The following ADH6 variants were observed in gnomAD, a reference collection of about 807,000 sequenced individuals.
ADH6 encodes alcohol dehydrogenase 6.
Under a neutral mutation model 36.5 loss-of-function variants are expected in ADH6, and 34 were observed. The ratio of observed to expected loss-of-function variants is 0.93; its 90% CI spans 0.71 to 1.24. The LOEUF (loss-of-function observed/expected upper bound fraction) is 1.24, where lower values mean the gene tolerates loss of function less well. ADH6 is among the 50% of genes most tolerant of loss of function. The pLI, the probability that ADH6 is intolerant of heterozygous loss-of-function variation, is 0.00. For synonymous variants in ADH6, 161 were observed against 155.5 expected (o/e 1.04, Z -0.26); for missense variants, 440 against 447.0 (o/e 0.98, Z 0.14).
intron 3 of ADH6, among the ~76,000 whole-genome samples, chr4:99,210,756 G>A (rs1221527418): frequency 1.3e-5 from 2 of 152,116 alleles, no homozygotes; most frequent in Non-Finnish European, 2.9e-5. Context: ...TCTTTTGTAA[G>A]CTCCTTTTCA....
chr4:99,219,022 G>A (rs1446194664), intron 1 of ADH6, 113 bp downstream of exon 1: 12 of 1,000,138 alleles, frequency 1.2e-5, no homozygotes, highest in Admixed American at 2.0e-5. Flanking sequence ...GATTATGACA[G>A]CCTCTCACCT....
Position 99,208,935 on chromosome 4 carries a change from A to G in ADH6, c.568-7T>C. On this transcript the variant is annotated splice_polypyrimidine_tract_variant and splice_region_variant and intron_variant, in intron 5 of 8. Transcript: ENST00000394899. ...AGGTAGAACCTGGAGTCACCTAAAC[A>G]CATACAGGCAGAAAACTCAGAAAAC... 1.2e-6 allele frequency: 2 copies of G among 1,601,646 alleles called. No individual in the cohort carries two copies. The highest frequency in any genetic ancestry group is 2.2e-5 in the South Asian group (2 of 89,232).
chr4:99,208,067 T>C (rs1421909583), intron 6 of ADH6, among the ~76,000 whole-genome samples: 3 of 152,100 alleles, frequency 2.0e-5, no homozygotes, highest in Non-Finnish European at 4.4e-5. Context: ...TAAAGGAATT[T>C]ATGTATGGTG....
chr4:99,203,081 T>G lies in ADH6; in HGVS notation c.*1138A>C. The G allele has an allele frequency of 3.1e-6, 1 of 325,694 alleles. No homozygotes were observed. 20.2% of individuals were successfully genotyped at this position (325,694 alleles called of 1,614,324 possible). On this transcript the variant is annotated 3_prime_UTR_variant, in exon 9 of 9. Coordinates refer to ENST00000394899, the MANE Select transcript of ADH6 (RefSeq NM_001102470.2). Reference sequence around the variant, plus strand: ...CCAGTGTTAAATCAGGAAACTATTTTGTTTAGATCAAAAAATGATATTCCA... The same window carrying G: ...CCAGTGTTAAATCAGGAAACTATTTGGTTTAGATCAAAAAATGATATTCCA...
At chr4:99,216,060 T>A in intron 2 of ADH6, 101 bp downstream of exon 2, 3 of 547,766 alleles carry the variant, frequency 5.5e-6, no homozygotes, top group Non-Finnish European at 9.2e-6. Flanking sequence ...TTTATTATTT[T>A]TTTTTCTGAG....
intron 3 of ADH6, 51 bp from the exon 4 acceptor site, chr4:99,210,553 A>T (rs890788989): frequency 1.4e-6 from 2 of 1,414,494 alleles, no homozygotes; most frequent in African/African-American, 2.9e-5. Context: ...TAAAGTAAAG[A>T]CATAGCTGTC....
rs748904327 is a variant in ADH6 at position 99,210,309 on chromosome 4, C to A, written c.351-11G>T. The A allele has an allele frequency of 3.1e-6, 5 of 1,608,512 alleles. No individual in the cohort carries two copies. Among genetic ancestry groups the A allele is most frequent in the Non-Finnish European group, 4.3e-6 (5 of 1,176,328 alleles). On this transcript the variant is annotated splice_polypyrimidine_tract_variant and intron_variant, in intron 4 of 8. Coordinates refer to ENST00000394899, the MANE Select transcript of ADH6 (RefSeq NM_001102470.2). ...TGGGTTTTTGACTGTCTTTTATAGA[C>A]AAAACAAAAAACAAAACACAAAGTT... is the stretch of plus-strand genomic sequence containing the variant.
intron 1 of ADH6, among the ~76,000 whole-genome samples, chr4:99,217,094 A>G (rs1390941960): frequency 3.9e-5 from 6 of 152,056 alleles, no homozygotes; most frequent in Admixed American, 2.0e-4. Context: ...GGAGTGCAGT[A>G]GCACGATCTC....
chr4:99,209,020 A>G (rs1365047487), intron 5 of ADH6, 92 bp from the exon 6 acceptor site: 2 of 1,336,036 alleles, frequency 1.5e-6, no homozygotes, highest in African/African-American at 1.5e-5. Context: ...ATATGCATGT[A>G]TTTTTTAACG....
intron 1 of ADH6, 132 bp from the exon 2 acceptor site, chr4:99,216,394 T>A (rs1036175515): frequency 2.2e-6 from 1 of 453,284 alleles, no homozygotes; most frequent in Non-Finnish European, 3.7e-6. Flanking sequence ...AAAAAAAGAA[T>A]AAATATATGC....
At chr4:99,205,211 AC>A in intron 7 of ADH6, 148 bp from the exon 8 acceptor site, 1 of 740,478 alleles carries the variant, frequency 1.4e-6, no homozygotes. Flanking sequence ...GAGAATGCCT[AC>A]CCCAACCACA....
rs758423222 is a variant in ADH6, at chr4:99,210,174, C to T, written c.475G>A (p.Ala159Thr). The T allele has an allele frequency of 4.3e-6, 7 of 1,613,818 alleles. No homozygotes were observed. The Admixed American group carries it at 1.2e-4, about 27-fold the overall frequency. Residue 159 changes from alanine to threonine, a missense_variant, in exon 5 of 9, where the codon GCC (alanine) becomes ACC (threonine). Ala to Thr is a moderately conservative substitution (Grantham distance 58, BLOSUM62 0). Coordinates refer to ENST00000394899, the MANE Select transcript of ADH6 (RefSeq NM_001102470.2). ...AGAGGAGCGACTGCATCAATCTTGG[C>T]AACTGAGATTTCCTTTATCACTGTG... Reference protein sequence around the residue: ...EYTVIKEISVAKIDAVAPLEK... With the variant: ...EYTVIKEISVTKIDAVAPLEK...
chr4:99,210,357 A>C, intron 4 of ADH6, 58 bp downstream of exon 4: 1 of 1,596,230 alleles, frequency 6.3e-7, no homozygotes, highest in Admixed American at 1.7e-5. Flanking sequence ...GAAAGCTTAG[A>C]TCTTCTCCAA....
chr4:99,214,863 A>G (rs182570781), intron 2 of ADH6, among the ~76,000 whole-genome samples: 1 of 152,338 alleles, frequency 6.6e-6, no homozygotes, highest in African/African-American at 2.4e-5. Flanking sequence ...AGACCTAGAC[A>G]TTTACCAAAT....
At chr4:99,204,575 A>G in intron 8 of ADH6, 2 of 1,199,580 alleles carry the variant, frequency 1.7e-6, no homozygotes, top group Non-Finnish European at 2.1e-6. Flanking sequence ...AAATACAACA[A>G]TGGCCTATTT....
intron 3 of ADH6, 91 bp from the exon 4 acceptor site, chr4:99,210,593 G>A: frequency 1.1e-6 from 1 of 943,110 alleles, no homozygotes; most frequent in Non-Finnish European, 1.7e-6. Flanking sequence ...AGGCACCCAA[G>A]AAGAAATGAC....
intron 1 of ADH6, among the ~76,000 whole-genome samples, chr4:99,217,282 C>T (rs1373134199): frequency 2.0e-5 from 3 of 152,070 alleles, no homozygotes; most frequent in African/African-American, 4.8e-5. Context: ...GTGATCCGCC[C>T]ACCTTGGCCT....
chr4:99,207,723 A>G, intron 6 of ADH6, 142 bp from the exon 7 acceptor site: 1 of 921,418 alleles, frequency 1.1e-6, no homozygotes, highest in South Asian at 2.0e-5. Flanking sequence ...AGTAACATTT[A>G]TCTTGTAAGG....
intron 2 of ADH6, among the ~76,000 whole-genome samples, chr4:99,214,688 T>C (rs1731340238): frequency 6.6e-6 from 1 of 152,144 alleles, no homozygotes; most frequent in Non-Finnish European, 1.5e-5. Flanking sequence ...AAAACAAATA[T>C]GAAGTTTGCA....
Sources: gnomAD v4.1 joint callset for allele counts (sites outside exome capture counted in the v4.1 genomes callset) on GRCh38, gnomAD v4.1.1 for gene constraint, MANE v1.5 for transcripts, NCBI Gene and HGNC (gene_info 2026-07-23, HGNC 2026-07-21) for gene names.